ZYG11B: variants seen among roughly 807,000 people sequenced by gnomAD.
ZYG11B encodes the protein zyg-11 family member B, cell cycle regulator.
A neutral mutation model predicts 82.4 loss-of-function variants in ZYG11B; 36 were observed. The observed-to-expected ratio is 0.44, with a 90% CI of 0.33 to 0.58. The LOEUF (loss-of-function observed/expected upper bound fraction) is 0.58, where lower values mean the gene tolerates loss of function less well. Ranked by LOEUF, ZYG11B falls within the 20% of genes least tolerant of loss-of-function variation. The pLI is 0.02. For missense variants in ZYG11B, 552 were observed against 895.6 expected (o/e 0.62, Z 4.90); for synonymous variants, 303 against 312.8 (o/e 0.97, Z 0.33).
Position 52,741,277 on chromosome 1 carries a change from CAA to C in ZYG11B, c.30+14597_30+14598del, listed in dbSNP as rs1449455611. 2.7e-4 allele frequency among the ~76,000 whole-genome samples: 21 copies of C among 78,376 alleles called. 1 individual carries two copies. The highest frequency in any genetic ancestry group is 2.3e-5 in the Non-Finnish European group (1 of 42,778). The allele number at this position is 78,376 out of a possible 152,430, so 51.4% of individuals were successfully genotyped here. ...TGCACCATTGCACTCCAGCCTGGGG[CAA>C]AAGAGTGAGACTTCGTCTCAAAAAA... On this transcript the variant is annotated intron_variant, in intron 1 of 13. Transcript: ENST00000294353.
At chr1:52,756,161 G>A (rs971041589) in intron 1 of ZYG11B, among the ~76,000 whole-genome samples, 4 of 152,098 alleles carry the variant, frequency 2.6e-5, no homozygotes, top group Admixed American at 1.3e-4. Context: ...GAGGTCTTCC[G>A]CTCACCATCC....
chr1:52,727,134 C>T (rs187635600), intron 1 of ZYG11B, among the ~76,000 whole-genome samples: 2 of 152,134 alleles, frequency 1.3e-5, no homozygotes, highest in African/African-American at 2.4e-5. Context: ...CCCCTTCTCT[C>T]CGTGTTCCTT....
At chr1:52,738,244 T>C (rs996454723) in intron 1 of ZYG11B, among the ~76,000 whole-genome samples, 1 of 152,226 alleles carries the variant, frequency 6.6e-6, no homozygotes, top group Non-Finnish European at 1.5e-5. Context: ...AGGTCTTCAC[T>C]CTGTCGCCCA....
chr1:52,731,203 G>T (rs951752988), intron 1 of ZYG11B, among the ~76,000 whole-genome samples: 1 of 151,280 alleles, frequency 6.6e-6, no homozygotes, highest in Non-Finnish European at 1.5e-5. Flanking sequence ...AACCCGGGAG[G>T]TGGAGGCTGC....
At chr1:52,816,844 A>G (rs972202445) in intron 13 of ZYG11B, among the ~76,000 whole-genome samples, 15 of 126,108 alleles carry the variant, frequency 1.2e-4, no homozygotes, top group Non-Finnish European at 1.7e-4. Flanking sequence ...GCTGGAGTAC[A>G]GTGGCGCGAT....
At chr1:52,806,728 A>G (rs1009557606) in intron 10 of ZYG11B, among the ~76,000 whole-genome samples, 3 of 152,122 alleles carry the variant, frequency 2.0e-5, no homozygotes, top group African/African-American at 7.2e-5. Context: ...TTTCTTGTAG[A>G]TAGCATATAC....
At position 52,782,150 on chromosome 1, in the gene ZYG11B, C is replaced by T. The variant is rs761545549; in HGVS notation, c.1092+2157C>T. Among the ~76,000 whole-genome samples, 3 of 150,712 alleles carry T rather than the reference C, an allele frequency of 2.0e-5. No homozygotes were observed. The East Asian group carries it at 6.0e-4, about 30-fold the overall frequency. On this transcript the variant is annotated intron_variant, in intron 4 of 13. Coordinates refer to ENST00000294353, the MANE Select transcript of ZYG11B (RefSeq NM_024646.3). ...GCATGATCATGGCTCACTGCAGCCT[C>T]GACCTCCCTCCTGGGCTCAAATGAT... is the stretch of plus-strand genomic sequence containing the variant.
intron 10 of ZYG11B, among the ~76,000 whole-genome samples, chr1:52,806,622 T>C (rs921025291): frequency 1.3e-5 from 2 of 152,226 alleles, no homozygotes; most frequent in Non-Finnish European, 2.9e-5. Context: ...GATACTGATA[T>C]AGCCATTTGT....
Position 52,821,129 on chromosome 1 carries a change from C to T in ZYG11B, c.2045-310C>T, listed in dbSNP as rs77000393. On this transcript the variant is annotated intron_variant, in intron 13 of 13. Transcript: ENST00000294353. ...GCATAGGAAATGCATAAAAATATAA[C>T]AACACTTACCTGTGATTTTGGGTCA... is the stretch of plus-strand genomic sequence containing the variant. Among the ~76,000 whole-genome samples, 5 of 149,998 alleles carry T rather than the reference C, an allele frequency of 3.3e-5. No homozygotes were observed. The East Asian group carries it at 7.8e-4, about 23-fold the overall frequency.
chr1:52,784,013 T>G (rs375368224), intron 4 of ZYG11B, among the ~76,000 whole-genome samples: 140 of 102,182 alleles, frequency 1.4e-3, no homozygotes, highest in Non-Finnish European at 2.0e-3. Context: ...GAGAGAGAGA[T>G]GGAGTTTCAC....
rs117117799 is a variant in ZYG11B, at chr1:52,763,752, G to T, written c.196+7129G>T. Reference sequence around the variant, plus strand: ...AATTTTCCAGGAAATATGGGCATAAGAGCTAGAAATCAGAGTGAGAATTTT... The same window carrying T: ...AATTTTCCAGGAAATATGGGCATAATAGCTAGAAATCAGAGTGAGAATTTT... On this transcript the variant is annotated intron_variant, in intron 2 of 13. Coordinates refer to ENST00000294353, the MANE Select transcript of ZYG11B (RefSeq NM_024646.3). Among the ~76,000 whole-genome samples, 26 of 152,286 alleles carry T rather than the reference G, an allele frequency of 1.7e-4. No individual in the cohort carries two copies. In the East Asian group the frequency reaches 3.9e-3, roughly 23 times the overall value.
intron 2 of ZYG11B, among the ~76,000 whole-genome samples, chr1:52,766,356 T>C (rs1290265892): frequency 6.6e-6 from 1 of 151,986 alleles, no homozygotes; most frequent in African/African-American, 2.4e-5. Flanking sequence ...CCTGACCTCA[T>C]GATCTGCCTG....
chr1:52,821,971 A>C lies in ZYG11B; in HGVS notation c.*342A>C. ...TTTTCTGATCTCAGAGTCCCTTCCA[A>C]TCAATTTGCAGCTTCACATAAGCTG... On this transcript the variant is annotated 3_prime_UTR_variant, in exon 14 of 14. Coordinates refer to ENST00000294353, the MANE Select transcript of ZYG11B (RefSeq NM_024646.3). 5.4e-6 allele frequency: 1 copy of C among 186,406 alleles called. No individual in the cohort carries two copies. The highest frequency in any genetic ancestry group is 1.1e-5 in the Non-Finnish European group (1 of 90,952). The allele number at this position is 186,406 out of a possible 1,614,324, so 11.5% of individuals were successfully genotyped here. A position where few individuals can be genotyped will look rare whatever the true frequency, so the allele number is the denominator to read the frequency against.
At chr1:52,820,341 A>G (rs1241980) in intron 13 of ZYG11B, among the ~76,000 whole-genome samples, 38,539 of 151,374 alleles carry the variant, frequency 0.25, 6,025 homozygotes, top group East Asian at 0.41. Flanking sequence ...ATTCACTTCT[A>G]TTTGTATTAA....
chr1:52,771,657 C>T lies in ZYG11B; in HGVS notation c.834C>T (p.His278=), dbSNP rs372803611. 1.1e-5 allele frequency: 17 copies of T among 1,614,170 alleles called. No individual in the cohort carries two copies. The highest frequency in any genetic ancestry group is 2.2e-5 in the South Asian group (2 of 91,080). Residue 278 remains histidine, a synonymous_variant, in exon 3 of 14, where the codon CAC becomes CAT. Transcript: ENST00000294353. This position sits in a 1 kb window ranked among gnomAD's most constrained non-coding sequence, Gnocchi z 5.4. ...CTCTGGATGTTTCTGGGAGAAAGCA[C>T]GTGACAGATAAAGCCGTTGAAGCCT... ...LVSLDVSGRK[H]VTDKAVEAFI...
At chr1:52,773,635 T>A (rs1258752885) in intron 3 of ZYG11B, among the ~76,000 whole-genome samples, 209 of 40,448 alleles carry the variant, frequency 5.2e-3, no homozygotes, top group East Asian at 0.014. Context: ...ATATTTTTTT[T>A]TTTTTTTTTT....
At chr1:52,814,496 T>C (rs1645207862) in intron 12 of ZYG11B, among the ~76,000 whole-genome samples, 1 of 152,176 alleles carries the variant, frequency 6.6e-6, no homozygotes, top group African/African-American at 2.4e-5. Flanking sequence ...TTTATATCCT[T>C]GTGAGGGAGA....
chr1:52,741,324 A>AAT (rs55999569), intron 1 of ZYG11B, among the ~76,000 whole-genome samples: 1 of 150,860 alleles, frequency 6.6e-6, no homozygotes. Flanking sequence ...AAAAAAGAAA[A>AAT]GAAAAGAAAG....
intron 1 of ZYG11B, among the ~76,000 whole-genome samples, chr1:52,734,484 A>C (rs886921918): frequency 2.6e-5 from 4 of 151,646 alleles, no homozygotes; most frequent in Non-Finnish European, 5.9e-5. Context: ...TCTCAAAAAA[A>C]AATAAAAAAT....
Sources: gnomAD v4.1 joint callset for allele counts (sites outside exome capture counted in the v4.1 genomes callset) on GRCh38, gnomAD v4.1.1 for gene constraint, Gnocchi (gnomAD v3.1) non-coding constraint, MANE v1.5 for transcripts, NCBI Gene and HGNC (gene_info 2026-07-23, HGNC 2026-07-21) for gene names.